The following PACRG variants were observed in gnomAD, a reference collection of about 807,000 sequenced individuals.
The protein encoded by PACRG is parkin coregulated.
PACRG carries 29 observed loss-of-function variants against 29.7 expected under a neutral mutation model. The observed-to-expected ratio is 0.98, with a 90% CI of 0.73 to 1.33. PACRG has a LOEUF of 1.33. Among genes scored for constraint, PACRG ranks in the 40% most tolerant of loss-of-function variants. PACRG has a pLI of 0.00. For missense variants in PACRG, 279 were observed against 316.2 expected (o/e 0.88, Z 0.89); for synonymous variants, 116 against 118.7 (o/e 0.98, Z 0.15).
chr6:163,186,072 A>C (rs1204430196), intron 4 of PACRG, among the ~76,000 whole-genome samples: 1 of 152,140 alleles, frequency 6.6e-6, no homozygotes, highest in Non-Finnish European at 1.5e-5. Context: ...GCCTTCACTT[A>C]ACTCTCAGCT....
intron 4 of PACRG, among the ~76,000 whole-genome samples, chr6:163,149,734 C>G (rs901072963): frequency 1.1e-4 from 16 of 152,116 alleles, no homozygotes; most frequent in African/African-American, 2.9e-4. Flanking sequence ...GAAGCTGTCT[C>G]CCCCGACCCC....
At chr6:162,776,787 G>C (rs973590448) in intron 1 of PACRG, among the ~76,000 whole-genome samples, 1 of 152,154 alleles carries the variant, frequency 6.6e-6, no homozygotes, top group African/African-American at 2.4e-5. Flanking sequence ...TCTTTACTAA[G>C]AATTTACAGT....
intron 4 of PACRG, among the ~76,000 whole-genome samples, chr6:163,100,468 G>A (rs1474552673): frequency 1.3e-5 from 2 of 152,148 alleles, no homozygotes; most frequent in African/African-American, 4.8e-5. Flanking sequence ...CAGCTGCCAG[G>A]TCAGGAGCAG....
intron 2 of PACRG, among the ~76,000 whole-genome samples, chr6:162,905,130 G>A (rs1795838912): frequency 6.6e-6 from 1 of 152,220 alleles, no homozygotes; most frequent in Admixed American, 6.5e-5. Flanking sequence ...CAACAAGGTG[G>A]TGGTGGCCTC....
At chr6:162,872,559 A>G (rs1792914229) in intron 2 of PACRG, among the ~76,000 whole-genome samples, 1 of 152,252 alleles carries the variant, frequency 6.6e-6, no homozygotes, top group Non-Finnish European at 1.5e-5. Context: ...TTTCTAAAAA[A>G]TAAATACATA....
chr6:163,276,004 CTTCCTTCTTTCT>C (rs1331186034), intron 4 of PACRG, among the ~76,000 whole-genome samples: 6 of 127,878 alleles, frequency 4.7e-5, no homozygotes, highest in African/African-American at 2.1e-4. Context: ...TCCTTCCTTC[CTTCCTTCTTTCT>C]TTCTTTCTTT....
At chr6:162,869,151 A>AT (rs1278653087) in intron 2 of PACRG, among the ~76,000 whole-genome samples, 17 of 152,286 alleles carry the variant, frequency 1.1e-4, no homozygotes, top group Non-Finnish European at 2.2e-4. Context: ...CAAATCCCAA[A>AT]TAACAGTGGA....
intron 4 of PACRG, among the ~76,000 whole-genome samples, chr6:163,164,455 C>T (rs1012163445): frequency 3.9e-5 from 6 of 152,178 alleles, no homozygotes; most frequent in Non-Finnish European, 8.8e-5. Context: ...CCTCAATTCC[C>T]ATCCAGCCTC....
chr6:162,938,186 A>G (rs1798370386), intron 2 of PACRG, among the ~76,000 whole-genome samples: 1 of 152,208 alleles, frequency 6.6e-6, no homozygotes, highest in African/African-American at 2.4e-5. Context: ...CACATAGAAT[A>G]ATAGTCTCCA....
chr6:162,908,901 A>C (rs1200494037), intron 2 of PACRG, among the ~76,000 whole-genome samples: 1 of 151,958 alleles, frequency 6.6e-6, no homozygotes, highest in Non-Finnish European at 1.5e-5. Context: ...AAATTATTGG[A>C]CTGTCATTCC....
intron 4 of PACRG, among the ~76,000 whole-genome samples, chr6:163,280,338 C>T (rs1370547456): frequency 6.6e-6 from 1 of 152,142 alleles, no homozygotes; most frequent in African/African-American, 2.4e-5. Context: ...GCTGGCCCCA[C>T]CTGTCTGGGC....
At chr6:162,820,382 A>T (rs184995882) in intron 2 of PACRG, among the ~76,000 whole-genome samples, 1 of 152,302 alleles carries the variant, frequency 6.6e-6, no homozygotes, top group East Asian at 1.9e-4. Flanking sequence ...GTTTTCATTG[A>T]CATAACTGAT....
chr6:162,890,818 T>C (rs889670958), intron 2 of PACRG, among the ~76,000 whole-genome samples: 2 of 152,076 alleles, frequency 1.3e-5, no homozygotes, highest in African/African-American at 2.4e-5. Flanking sequence ...TGAGGTATGC[T>C]CTACCCTGGA....
chr6:163,200,634 G>A (rs1780658308), intron 4 of PACRG, among the ~76,000 whole-genome samples: 2 of 152,036 alleles, frequency 1.3e-5, no homozygotes, highest in Admixed American at 1.3e-4. Context: ...CTCCAAGGAA[G>A]GTCAAATTTT....
chr6:163,214,932 T>C (rs1369873864), intron 4 of PACRG, among the ~76,000 whole-genome samples: 1 of 152,208 alleles, frequency 6.6e-6, no homozygotes, highest in Non-Finnish European at 1.5e-5. Context: ...ATTCTTGCCT[T>C]ACCACTGATT....
intron 2 of PACRG, among the ~76,000 whole-genome samples, chr6:162,874,154 ATAT>A (rs1793080098): frequency 5.1e-5 from 5 of 97,380 alleles, no homozygotes; most frequent in African/African-American, 1.8e-4. Flanking sequence ...AAAAAAAAAT[ATAT>A]ATATATATAT....
At chr6:163,093,277 A>G (rs956337136) in intron 4 of PACRG, among the ~76,000 whole-genome samples, 2 of 152,234 alleles carry the variant, frequency 1.3e-5, no homozygotes, top group Non-Finnish European at 2.9e-5. Flanking sequence ...TGCATTCTAA[A>G]CAGTGAATTT....
At chr6:163,238,628 G>A (rs1205326349) in intron 4 of PACRG, among the ~76,000 whole-genome samples, 1 of 152,232 alleles carries the variant, frequency 6.6e-6, no homozygotes, top group Admixed American at 6.5e-5. Flanking sequence ...ATTTTAGCCA[G>A]TTGACTGCTG....
At chr6:163,250,906 T>TATATATATATATATATATAC (rs1026185460) in intron 4 of PACRG, among the ~76,000 whole-genome samples, 19 of 149,302 alleles carry the variant, frequency 1.3e-4, no homozygotes, top group African/African-American at 4.7e-4. Context: ...TATATATATA[T>TATATATATATATATATATAC]ACACTATGGA....
Sources: allele counts gnomAD v4.1 joint callset (sites outside exome capture counted in the v4.1 genomes callset), GRCh38; gene constraint gnomAD v4.1.1; transcripts MANE v1.5; gene names NCBI Gene and HGNC (gene_info 2026-07-23, HGNC 2026-07-21).